The following HECW2 variants were observed in gnomAD, a reference collection of about 807,000 sequenced individuals.
HECW2 encodes the protein HECT, C2 and WW domain containing E3 ubiquitin protein ligase 2, also known as E3 ubiquitin-protein ligase HECW2.
A neutral mutation model predicts 175.2 loss-of-function variants in HECW2; 61 were observed. The observed-to-expected ratio is 0.35, with a 90% CI of 0.28 to 0.43. The LOEUF (loss-of-function observed/expected upper bound fraction) is 0.43, where lower values mean the gene tolerates loss of function less well. Ranked by LOEUF, HECW2 falls within the 20% of genes least tolerant of loss-of-function variation. The pLI is 1.00. For missense variants in HECW2, 1,524 were observed against 2,000.5 expected, an observed-to-expected ratio of 0.76 and a Z score of 4.54; for synonymous variants, 671 against 731.0, an observed-to-expected ratio of 0.92 and a Z score of 1.32.
intron 1 of HECW2, among the ~76,000 whole-genome samples, chr2:196,584,698 A>C (rs1320023950): frequency 6.6e-6 from 1 of 152,120 alleles, no homozygotes; most frequent in Non-Finnish European, 1.5e-5. Context: ...TCTGTCATCA[A>C]TCATCTTTGT....
At chr2:196,248,907 G>A (rs1688756508) in intron 19 of HECW2, among the ~76,000 whole-genome samples, 1 of 152,150 alleles carries the variant, frequency 6.6e-6, no homozygotes, top group South Asian at 2.1e-4. Flanking sequence ...TGTTGAAGGT[G>A]ACTTTCTGCT....
At chr2:196,413,926 T>C (rs543705034) in intron 2 of HECW2, among the ~76,000 whole-genome samples, 4 of 152,268 alleles carry the variant, frequency 2.6e-5, no homozygotes, top group Admixed American at 2.0e-4. Flanking sequence ...ACAGATGACC[T>C]CATTTCCATC....
intron 1 of HECW2, among the ~76,000 whole-genome samples, chr2:196,580,654 C>CA (rs56875271): frequency 0.025 from 2,330 of 91,846 alleles, 25 homozygotes; most frequent in Middle Eastern, 0.049. Context: ...GCTACAATGG[C>CA]AAAAAAAAAA....
rs183616449 is a variant in HECW2, at chr2:196,471,333, G to A, written c.-35-37875C>T. Among the ~76,000 whole-genome samples, 5 of 152,274 alleles carry A rather than the reference G, an allele frequency of 3.3e-5. No homozygotes were observed. In the East Asian group the frequency reaches 9.6e-4, roughly 29 times the overall value. On this transcript the variant is annotated intron_variant, in intron 1 of 28. Coordinates refer to ENST00000644978, the MANE Select transcript of HECW2 (RefSeq NM_001348768.2). ...AAAATTAACCGATGCTGGCAAGGTT[G>A]CAGAGAAAATGGAACACTTATACAC... is the stretch of plus-strand genomic sequence containing the variant.
chr2:196,445,025 T>G (rs1696144304), intron 1 of HECW2, among the ~76,000 whole-genome samples: 1 of 152,200 alleles, frequency 6.6e-6, no homozygotes, highest in Non-Finnish European at 1.5e-5. Context: ...CTTCAAGACC[T>G]AAAGAACACT....
chr2:196,313,830 T>A (rs1029029800), intron 10 of HECW2, among the ~76,000 whole-genome samples: 1 of 151,926 alleles, frequency 6.6e-6, no homozygotes, highest in African/African-American at 2.4e-5. Flanking sequence ...GGTGGGAGGA[T>A]TGCTTGAGGC....
In HECW2 at chr2:196,346,783, G is replaced by A. The variant is rs184595825; in HGVS notation, c.293-3019C>T. On this transcript the variant is annotated intron_variant, in intron 2 of 28. Transcript: ENST00000644978. The stretch of plus-strand genomic sequence containing the variant: ...TTGGAGGCTGAGGCAGGTGGATCAC[G>A]AGGTCAGGAATTCGAGACCAGCCTG... Among the ~76,000 whole-genome samples the A allele has an allele frequency of 3.8e-3, 572 of 151,872 alleles. 5 individuals are homozygous for A. The highest frequency in any genetic ancestry group is 0.013 in the African/African-American group (540 of 41,424).
intron 1 of HECW2, among the ~76,000 whole-genome samples, chr2:196,557,964 T>A (rs1181690310): frequency 2.0e-5 from 3 of 152,202 alleles, no homozygotes; most frequent in African/African-American, 7.2e-5. Flanking sequence ...ATAAAATATG[T>A]TTATGGCATG....
intron 19 of HECW2, among the ~76,000 whole-genome samples, chr2:196,253,578 T>A (rs937729836): frequency 6.6e-6 from 1 of 152,220 alleles, no homozygotes; most frequent in Admixed American, 6.5e-5. Context: ...AGAGACTTTA[T>A]CTTCATTGTA....
At chr2:196,315,216 C>T (rs968256384) in intron 10 of HECW2, among the ~76,000 whole-genome samples, 2 of 151,118 alleles carry the variant, frequency 1.3e-5, no homozygotes, top group South Asian at 4.2e-4. Context: ...TAGAGGGAGG[C>T]ATCTTCACTT....
At chr2:196,338,002 G>A (rs67020250) in intron 3 of HECW2, among the ~76,000 whole-genome samples, 5,975 of 152,222 alleles carry the variant, frequency 0.039, 201 homozygotes, top group Non-Finnish European at 0.053. Context: ...AAACAGAAAA[G>A]CCCCATTATT....
chr2:196,403,793 A>G (rs1388736940), intron 2 of HECW2, among the ~76,000 whole-genome samples: 1 of 152,226 alleles, frequency 6.6e-6, no homozygotes, highest in Non-Finnish European at 1.5e-5. Context: ...AGATCTTTTG[A>G]AGGAAATAAT....
intron 2 of HECW2, among the ~76,000 whole-genome samples, chr2:196,421,210 T>C (rs528047219): frequency 6.6e-6 from 1 of 152,156 alleles, no homozygotes; most frequent in African/African-American, 2.4e-5. Context: ...AATAAGATGT[T>C]GTAAAAAGTC....
chr2:196,297,892 T>A (rs2105666690), intron 13 of HECW2, among the ~76,000 whole-genome samples: 1 of 152,342 alleles, frequency 6.6e-6, no homozygotes, highest in African/African-American at 2.4e-5. Flanking sequence ...ATAATATTTT[T>A]AATTTTACAG....
At chr2:196,409,903 C>T (rs889042157) in intron 2 of HECW2, among the ~76,000 whole-genome samples, 3 of 152,182 alleles carry the variant, frequency 2.0e-5, no homozygotes, top group African/African-American at 7.2e-5. Flanking sequence ...GGAGAGACTG[C>T]GTATTACCCA....
At chr2:196,365,208 A>C (rs1291069793) in intron 2 of HECW2, among the ~76,000 whole-genome samples, 1 of 152,270 alleles carries the variant, frequency 6.6e-6, no homozygotes, top group Non-Finnish European at 1.5e-5. Flanking sequence ...ATTTATTGCA[A>C]GTAAAGCAGG....
intron 1 of HECW2, among the ~76,000 whole-genome samples, chr2:196,570,471 T>A (rs1690344812): frequency 2.0e-5 from 3 of 152,114 alleles, no homozygotes; most frequent in Non-Finnish European, 1.5e-5. Context: ...AAACACTGCA[T>A]GTTCTCACTC....
chr2:196,434,492 A>G (rs1695812614), intron 1 of HECW2, among the ~76,000 whole-genome samples: 1 of 152,160 alleles, frequency 6.6e-6, no homozygotes, highest in Non-Finnish European at 1.5e-5. Flanking sequence ...CTAGTTATAA[A>G]ATACTTCCAG....
At chr2:196,456,112 C>T (rs146672500) in intron 1 of HECW2, among the ~76,000 whole-genome samples, 1 of 152,094 alleles carries the variant, frequency 6.6e-6, no homozygotes, top group African/African-American at 2.4e-5. Context: ...AATCATGCCC[C>T]TAAATTGCTA....
Sources: gnomAD v4.1 joint callset for allele counts (sites outside exome capture counted in the v4.1 genomes callset) on GRCh38, gnomAD v4.1.1 for gene constraint, MANE v1.5 for transcripts, NCBI Gene and HGNC (gene_info 2026-07-23, HGNC 2026-07-21) for gene names.